The following MALT1 variants were observed in gnomAD, a reference collection of about 807,000 sequenced individuals.
The protein encoded by MALT1 is MALT1 paracaspase, also known as mucosa-associated lymphoid tissue lymphoma translocation protein 1.
Under a neutral mutation model 85.5 loss-of-function variants are expected in MALT1, and 36 were observed. The ratio of observed to expected loss-of-function variants is 0.42; its 90% CI spans 0.32 to 0.56. The LOEUF (loss-of-function observed/expected upper bound fraction) is 0.56, where lower values mean the gene tolerates loss of function less well. Among genes scored for constraint, MALT1 ranks in the 20% least tolerant of loss-of-function variants. MALT1 has a pLI of 0.10. For synonymous variants in MALT1, 359 were observed against 361.3 expected, an observed-to-expected ratio of 0.99 and a Z score of 0.07; for missense variants, 716 against 981.6, an observed-to-expected ratio of 0.73 and a Z score of 3.62.
Position 58,735,193 on chromosome 18 carries a change from A to G in MALT1, c.1476-9A>G, listed in dbSNP as rs754321602. 1.0e-5 allele frequency: 16 copies of G among 1,600,196 alleles called. No homozygotes were observed. The highest frequency in any genetic ancestry group is 2.3e-5 in the South Asian group (2 of 87,702). On this transcript the variant is annotated splice_polypyrimidine_tract_variant and intron_variant, in intron 12 of 16. Transcript: ENST00000649217. Reference sequence around the variant, plus strand: ...TGTGCCTGGCTTAACTTCTTTTTCTATTTTTAAGGTGTCAAGGAGCAGAAG... The same window carrying G: ...TGTGCCTGGCTTAACTTCTTTTTCTGTTTTTAAGGTGTCAAGGAGCAGAAG...
In MALT1 at chr18:58,700,653, A is replaced by G; in HGVS notation, c.649+62A>G. The stretch of plus-strand genomic sequence containing the variant: ...TTCCCCATATTTTATTTTATTTTAA[A>G]TGTTTACTTTTAAACAATTTCAAAG... On this transcript the variant is annotated intron_variant, in intron 4 of 16. Transcript: ENST00000649217. 4 of 1,407,682 alleles carry G rather than the reference A, an allele frequency of 2.8e-6. No individual in the cohort carries two copies. The South Asian group carries it at 6.3e-5, about 22-fold the overall frequency. The allele number at this position is 1,407,682 out of a possible 1,614,324, so 87.2% of individuals were successfully genotyped here.
chr18:58,671,931 T>C, intron 1 of MALT1, 79 bp downstream of exon 1: 1 of 981,978 alleles, frequency 1.0e-6, no homozygotes. Flanking sequence ...GCGCTGTCGG[T>C]GGGGCTGAGC....
At position 58,696,366 on chromosome 18, in the gene MALT1, G is replaced by C. The variant is rs1403388959; in HGVS notation, c.377G>C (p.Gly126Ala). The change falls in exon 3 of 17, where the codon GGA (glycine) becomes GCA (alanine). Residue 126 changes from glycine to alanine, a missense_variant and splice_region_variant. By Grantham distance (60) the Gly-to-Ala change is moderately conservative. Transcript: ENST00000649217. ...TEVLQLLSPPGIKITVNPESK... is the reference protein window; with the variant it reads ...TEVLQLLSPPAIKITVNPESK... ...TTTTTTTTTTTTTTTTTTTTTTTAG[G>C]AATAAAGATTACTGTAAACCCAGAG... The C allele has an allele frequency of 1.1e-6, 1 of 884,506 alleles. No individual in the cohort carries two copies. Among genetic ancestry groups the C allele is most frequent in the African/African-American group, 2.1e-5 (1 of 47,158 alleles). 54.8% of individuals were successfully genotyped at this position (884,506 alleles called of 1,614,324 possible). A position where few individuals can be genotyped will look rare whatever the true frequency, so the allele number is the denominator to read the frequency against.
chr18:58,700,098 A>G (rs1250628987), intron 3 of MALT1, among the ~76,000 whole-genome samples: 3 of 152,174 alleles, frequency 2.0e-5, no homozygotes, highest in Admixed American at 6.5e-5. Flanking sequence ...TGTATGTTGT[A>G]TGGCTGCTAA....
At chr18:58,692,823 A>T (rs2054532011) in intron 2 of MALT1, among the ~76,000 whole-genome samples, 1 of 152,234 alleles carries the variant, frequency 6.6e-6, no homozygotes, top group Admixed American at 6.5e-5. Flanking sequence ...GTAATTAAAA[A>T]TGCTACTTCA....
At chr18:58,677,888 C>A (rs2054264621) in intron 1 of MALT1, among the ~76,000 whole-genome samples, 1 of 152,036 alleles carries the variant, frequency 6.6e-6, no homozygotes, top group African/African-American at 2.4e-5. Context: ...CCTTAGAGGA[C>A]ATTTTCAGGT....
At chr18:58,744,218 G>A (rs1159785796) in intron 14 of MALT1, 120 bp from the exon 15 acceptor site, 1 of 610,714 alleles carries the variant, frequency 1.6e-6, no homozygotes, top group Non-Finnish European at 2.8e-6. Context: ...AATTGTATGT[G>A]TTTAAACAAT....
chr18:58,715,930 T>C lies in MALT1; in HGVS notation c.986-5T>C, dbSNP rs545727809. Reference sequence around the variant, plus strand: ...TACATGTTTTGCTTTTTTATCTTTGTATAGATAATAAAGAGCAAACAACTG... The same window carrying C: ...TACATGTTTTGCTTTTTTATCTTTGCATAGATAATAAAGAGCAAACAACTG... On this transcript the variant is annotated splice_region_variant and splice_polypyrimidine_tract_variant and intron_variant, in intron 8 of 16. Coordinates refer to ENST00000649217, the MANE Select transcript of MALT1 (RefSeq NM_006785.4). 1.3e-6 allele frequency: 2 copies of C among 1,599,578 alleles called. No homozygotes were observed. The highest frequency in any genetic ancestry group is 1.7e-6 in the Non-Finnish European group (2 of 1,171,944).
Position 58,749,133 on chromosome 18 carries a change from A to G in MALT1, c.*1291A>G, listed in dbSNP as rs919432067. The G allele has an allele frequency of 1.8e-5, 4 of 218,288 alleles. No individual in the cohort carries two copies. The highest frequency in any genetic ancestry group is 6.7e-5 in the African/African-American group (3 of 44,528). The allele number at this position is 218,288 out of a possible 1,614,324, so 13.5% of individuals were successfully genotyped here. ...CTAAAAATCAAATAAGCTAATATAC[A>G]GTCAGTTCTCATTATTCACAGTAAT... On this transcript the variant is annotated 3_prime_UTR_variant, in exon 17 of 17. Transcript: ENST00000649217.
chr18:58,724,825 A>G (rs1602324726), intron 10 of MALT1, among the ~76,000 whole-genome samples: 1 of 152,056 alleles, frequency 6.6e-6, no homozygotes, highest in Non-Finnish European at 1.5e-5. Context: ...CCTGGGCAAC[A>G]TGGCGAAACC....
intron 2 of MALT1, among the ~76,000 whole-genome samples, chr18:58,693,008 A>G (rs2054534826): frequency 6.6e-6 from 1 of 152,214 alleles, no homozygotes; most frequent in African/African-American, 2.4e-5. Flanking sequence ...AAGCTGCGGA[A>G]GAAAAGTTGG....
intron 9 of MALT1, among the ~76,000 whole-genome samples, chr18:58,721,509 A>G (rs908048534): frequency 2.7e-5 from 4 of 146,794 alleles, no homozygotes; most frequent in African/African-American, 8.1e-5. Context: ...ATGTATATTC[A>G]TAACACTGGG....
chr18:58,701,262 C>T (rs913617731), intron 4 of MALT1, among the ~76,000 whole-genome samples: 8 of 152,166 alleles, frequency 5.3e-5, no homozygotes, highest in Non-Finnish European at 7.4e-5. Context: ...CCCTCACACA[C>T]GGCACCTATA....
At chr18:58,674,597 G>A (rs923983209) in intron 1 of MALT1, among the ~76,000 whole-genome samples, 1 of 152,172 alleles carries the variant, frequency 6.6e-6, no homozygotes, top group Non-Finnish European at 1.5e-5. Context: ...TTGGGGGCTG[G>A]ACAGTGAAGC....
intron 10 of MALT1, among the ~76,000 whole-genome samples, chr18:58,725,988 G>A (rs1473482234): frequency 2.0e-5 from 3 of 152,178 alleles, no homozygotes; most frequent in Non-Finnish European, 4.4e-5. Flanking sequence ...TTGAACTTGG[G>A]AGGGGGAGGT....
intron 5 of MALT1, 100 bp from the exon 6 acceptor site, chr18:58,709,876 A>C: frequency 2.6e-6 from 2 of 772,608 alleles, no homozygotes; most frequent in South Asian, 3.4e-5. Flanking sequence ...GCCTTCTAAG[A>C]TGTTATGTTT....
intron 11 of MALT1, 145 bp from the exon 12 acceptor site, chr18:58,734,158 TGTAG>T: frequency 8.8e-7 from 1 of 1,137,196 alleles, no homozygotes; most frequent in Non-Finnish European, 1.2e-6. Flanking sequence ...TGGGTAGATA[TGTAG>T]CTACCTAGAT....
chr18:58,700,405 A>G (rs1490438322), intron 3 of MALT1, 36 bp from the exon 4 acceptor site: 2 of 1,518,094 alleles, frequency 1.3e-6, no homozygotes, highest in Non-Finnish European at 8.8e-7. Context: ...TGTGTTTTTG[A>G]TGAGTCATCC....
At chr18:58,688,119 G>A (rs1347048665) in intron 2 of MALT1, among the ~76,000 whole-genome samples, 1 of 152,112 alleles carries the variant, frequency 6.6e-6, no homozygotes, top group Non-Finnish European at 1.5e-5. Context: ...GCATTGGGGT[G>A]GCTAAGGGTT....
Sources: allele counts gnomAD v4.1 joint callset (sites outside exome capture counted in the v4.1 genomes callset), GRCh38; gene constraint gnomAD v4.1.1; transcripts MANE v1.5; gene names NCBI Gene and HGNC (gene_info 2026-07-23, HGNC 2026-07-21).